The following ARB2A variants were observed in gnomAD, a reference collection of about 807,000 sequenced individuals.
ARB2A encodes the protein ARB2 cotranscriptional regulator A.
the ARB2A span, among the ~76,000 whole-genome samples, chr5:93,852,171 C>G: frequency 4.6e-5 from 7 of 151,564 alleles, no homozygotes; most frequent in Admixed American, 6.6e-5. Flanking sequence ...TGGTATCTCA[C>G]TGTGGTTTTG....
chr5:93,981,931 C>T, the ARB2A span, among the ~76,000 whole-genome samples: 1 of 151,974 alleles, frequency 6.6e-6, no homozygotes, highest in Admixed American at 6.6e-5. Flanking sequence ...AGTACACCAC[C>T]CCCACAGTCC....
chr5:94,024,406 A>G, the ARB2A span, among the ~76,000 whole-genome samples: 27 of 152,298 alleles, frequency 1.8e-4, 1 homozygote, highest in Admixed American at 1.6e-3. Flanking sequence ...GCTGGCCTCC[A>G]TAATCACATG....
chr5:94,093,469 T>C, the ARB2A span, among the ~76,000 whole-genome samples: 1 of 152,210 alleles, frequency 6.6e-6, no homozygotes, highest in East Asian at 1.9e-4. Flanking sequence ...GAGAGCTCTC[T>C]GGTGTCTCTT....
the ARB2A span, among the ~76,000 whole-genome samples, chr5:93,901,841 G>A: frequency 2.5e-3 from 385 of 152,162 alleles, 1 homozygote; most frequent in African/African-American, 8.4e-3. Context: ...AGTTCCCAAC[G>A]AGCAGGACTT....
chr5:93,642,447 C>G, the ARB2A span, among the ~76,000 whole-genome samples: 196 of 152,308 alleles, frequency 1.3e-3, 1 homozygote, highest in Middle Eastern at 0.01. Context: ...TCTCAGCTTA[C>G]TGCAACCTCT....
the ARB2A span, among the ~76,000 whole-genome samples, chr5:93,874,832 G>A: frequency 2.6e-5 from 4 of 152,120 alleles, no homozygotes; most frequent in African/African-American, 9.7e-5. Flanking sequence ...TGGCATCAGA[G>A]AAAACACCCC....
the ARB2A span, among the ~76,000 whole-genome samples, chr5:93,944,793 T>A: frequency 6.6e-6 from 1 of 152,132 alleles, no homozygotes; most frequent in African/African-American, 2.4e-5. Flanking sequence ...AGGATACAGA[T>A]GTCACCTCTG....
the ARB2A span, among the ~76,000 whole-genome samples, chr5:93,877,833 T>G: frequency 6.6e-6 from 1 of 152,044 alleles, no homozygotes; most frequent in Non-Finnish European, 1.5e-5. Context: ...GAACAGAAAT[T>G]GAAGTTACAG....
the ARB2A span, among the ~76,000 whole-genome samples, chr5:93,997,343 C>G: frequency 2.0e-5 from 3 of 151,948 alleles, no homozygotes; most frequent in Non-Finnish European, 4.4e-5. Flanking sequence ...TAGCATAGCA[C>G]TAAGACAATT....
chr5:93,913,087 C>T, the ARB2A span, among the ~76,000 whole-genome samples: 1 of 151,654 alleles, frequency 6.6e-6, no homozygotes, highest in African/African-American at 2.4e-5. Flanking sequence ...TCTCCTTTTT[C>T]TCTGTACTTC....
the ARB2A span, among the ~76,000 whole-genome samples, chr5:93,942,480 CTT>C: frequency 6.6e-6 from 1 of 151,542 alleles, no homozygotes; most frequent in Admixed American, 6.6e-5. Flanking sequence ...ATTAAAAAAA[CTT>C]TTTTTGAAAT....
the ARB2A span, among the ~76,000 whole-genome samples, chr5:94,066,921 C>T: frequency 6.6e-6 from 1 of 152,140 alleles, no homozygotes; most frequent in Non-Finnish European, 1.5e-5. Flanking sequence ...TCCTGACAAA[C>T]ATAGGTGTAA....
chr5:94,067,980 T>C, the ARB2A span, among the ~76,000 whole-genome samples: 1 of 152,134 alleles, frequency 6.6e-6, no homozygotes, highest in Non-Finnish European at 1.5e-5. Flanking sequence ...ATAAAAGACT[T>C]GTAAGGCCAG....
the ARB2A span, among the ~76,000 whole-genome samples, chr5:93,747,237 C>A: frequency 1.3e-5 from 2 of 152,050 alleles, no homozygotes; most frequent in Admixed American, 6.6e-5. Context: ...GCAGATAACT[C>A]TTTTAAGTGT....
chr5:94,069,625 AG>A, the ARB2A span, among the ~76,000 whole-genome samples: 20 of 152,198 alleles, frequency 1.3e-4, no homozygotes, highest in African/African-American at 4.8e-4. Flanking sequence ...ACGTGGGCAA[AG>A]GACATAAATA....
chr5:93,990,084 A>AG, the ARB2A span, among the ~76,000 whole-genome samples: 1 of 152,146 alleles, frequency 6.6e-6, no homozygotes, highest in Non-Finnish European at 1.5e-5. Context: ...TCAGTAACCC[A>AG]GAAAAAAAAG....
the ARB2A span, chr5:93,620,022 A>T: frequency 6.6e-6 from 1 of 152,376 alleles, no homozygotes; most frequent in African/African-American, 2.4e-5. Context: ...AAAGCTCAGA[A>T]TAGATCATTC....
chr5:93,720,869 G>T, the ARB2A span, among the ~76,000 whole-genome samples: 1 of 152,136 alleles, frequency 6.6e-6, no homozygotes, highest in Non-Finnish European at 1.5e-5. Flanking sequence ...ATAAGTGCCA[G>T]ACTCACTGTT....
At chr5:93,964,930 G>A in the ARB2A span, among the ~76,000 whole-genome samples, 1 of 151,946 alleles carries the variant, frequency 6.6e-6, no homozygotes, top group African/African-American at 2.4e-5. Context: ...TCACTGAATC[G>A]AGGAGGAAAA....
Sources: allele counts gnomAD v4.1 joint callset (sites outside exome capture counted in the v4.1 genomes callset), GRCh38; gene constraint gnomAD v4.1.1; transcripts MANE v1.5; gene names NCBI Gene and HGNC (gene_info 2026-07-23, HGNC 2026-07-21).